CAPN2: variants seen among roughly 807,000 people sequenced by gnomAD.
CAPN2 encodes the protein calpain-2 catalytic subunit.
CAPN2 carries 92 observed loss-of-function variants against 102.3 expected under a neutral mutation model. That is an observed-to-expected ratio of 0.90 (90% CI 0.76 to 1.07). CAPN2 has a LOEUF of 1.07. Among genes scored for constraint, CAPN2 ranks in the 50% least tolerant of loss-of-function variants. CAPN2 has a pLI of 0.00. For missense variants in CAPN2, 800 were observed against 909.4 expected, an observed-to-expected ratio of 0.88 and a Z score of 1.55; for synonymous variants, 340 against 355.4, an observed-to-expected ratio of 0.96 and a Z score of 0.49.
upstream of CAPN2, among the ~76,000 whole-genome samples, chr1:223,711,771 T>G (rs1158172250): frequency 6.6e-6 from 1 of 152,192 alleles, no homozygotes; most frequent in Non-Finnish European, 1.5e-5. Context: ...CCACGACGTA[T>G]TTTTAGTAGA....
intron 3 of CAPN2, among the ~76,000 whole-genome samples, chr1:223,744,484 A>T (rs1660701996): frequency 6.7e-6 from 1 of 148,266 alleles, no homozygotes; most frequent in Non-Finnish European, 1.5e-5. Context: ...TCCCAAGTTT[A>T]AAAAAAAAAA....
intron 1 of CAPN2, among the ~76,000 whole-genome samples, chr1:223,703,878 A>T (rs1215017864): frequency 6.6e-6 from 1 of 152,240 alleles, no homozygotes; most frequent in African/African-American, 2.4e-5. Flanking sequence ...AAGAGGGAAA[A>T]GTATAAAGCA....
At chr1:223,703,810 C>T (rs562932576) in intron 1 of CAPN2, among the ~76,000 whole-genome samples, 1 of 152,188 alleles carries the variant, frequency 6.6e-6, no homozygotes, top group Non-Finnish European at 1.5e-5. Context: ...AAACAGAATT[C>T]TCTGCTACAG....
chr1:223,748,826 T>C (rs1250230373), intron 5 of CAPN2, among the ~76,000 whole-genome samples: 1 of 152,192 alleles, frequency 6.6e-6, no homozygotes, highest in African/African-American at 2.4e-5. Flanking sequence ...GCATTCCGCC[T>C]TTTCTCTGGT....
At chr1:223,721,538 CA>C (rs1660051254) in intron 2 of CAPN2, among the ~76,000 whole-genome samples, 2 of 152,236 alleles carry the variant, frequency 1.3e-5, no homozygotes, top group Admixed American at 6.5e-5. Context: ...GTTGAAACAG[CA>C]CACCCCCATT....
chr1:223,702,926 A>G (rs1659519578), intron 1 of CAPN2, among the ~76,000 whole-genome samples: 1 of 152,196 alleles, frequency 6.6e-6, no homozygotes, highest in African/African-American at 2.4e-5. Flanking sequence ...CAGAGGGAAG[A>G]AAGTAAGGGA....
upstream of CAPN2, among the ~76,000 whole-genome samples, chr1:223,707,734 G>A (rs1458863439): frequency 6.6e-6 from 1 of 152,220 alleles, no homozygotes; most frequent in Non-Finnish European, 1.5e-5. Flanking sequence ...GCCTAGCTGG[G>A]GAAGAGGAAC....
At chr1:223,743,404 C>G (rs1305647116) in intron 2 of CAPN2, among the ~76,000 whole-genome samples, 2 of 152,180 alleles carry the variant, frequency 1.3e-5, no homozygotes, top group African/African-American at 4.8e-5. Context: ...TGGCTCTGAC[C>G]TTCCTCCTAG....
At position 223,737,719 on chromosome 1, in the gene CAPN2, G is replaced by GAGT. The variant is rs1380010653; in HGVS notation, c.308-6381_308-6380insAGT. ...AAAAGAGACGGGGCGGGGGGTGGGG[G>GAGT]GGAGAGAATACAATAACACCATGTA... On this transcript the variant is annotated intron_variant, in intron 2 of 20. Coordinates refer to ENST00000295006, the MANE Select transcript of CAPN2 (RefSeq NM_001748.5). Among the ~76,000 whole-genome samples the GAGT allele has an allele frequency of 6.0e-5, 5 of 83,850 alleles. 1 individual carries two copies. The highest frequency in any genetic ancestry group is 2.0e-4 in the African/African-American group (5 of 24,474). The allele number at this position is 83,850 out of a possible 152,430, so 55.0% of individuals were successfully genotyped here. A position where few individuals can be genotyped will look rare whatever the true frequency, so the allele number is the denominator to read the frequency against.
intron 1 of CAPN2, among the ~76,000 whole-genome samples, chr1:223,717,526 G>A (rs1263475189): frequency 6.6e-6 from 1 of 152,136 alleles, no homozygotes; most frequent in Non-Finnish European, 1.5e-5. Flanking sequence ...AGTCCAGAGT[G>A]TGCAGGGTCC....
intron 14 of CAPN2, 69 bp downstream of exon 14, chr1:223,762,320 A>T: frequency 8.1e-7 from 1 of 1,239,566 alleles, no homozygotes; most frequent in Non-Finnish European, 1.2e-6. Flanking sequence ...TGTGTCCCCA[A>T]GGGGACTTTA....
At chr1:223,752,992 G>C in intron 9 of CAPN2, 36 bp downstream of exon 9, 1 of 1,605,822 alleles carries the variant, frequency 6.2e-7, no homozygotes. Flanking sequence ...GTTGCAATGC[G>C]GGGCCACCAA....
At chr1:223,771,683 A>C in intron 18 of CAPN2, 126 bp from the exon 19 acceptor site, 1 of 707,602 alleles carries the variant, frequency 1.4e-6, no homozygotes, top group Middle Eastern at 2.6e-4. Context: ...CTCACAGAAG[A>C]GCAGCCAAGG....
At chr1:223,738,985 C>A (rs1353358057) in intron 2 of CAPN2, among the ~76,000 whole-genome samples, 1 of 152,122 alleles carries the variant, frequency 6.6e-6, no homozygotes, top group Non-Finnish European at 1.5e-5. Context: ...CGGTGAGATA[C>A]CCATAGAGAT....
At position 223,755,352 on chromosome 1, in the gene CAPN2, C is replaced by T; in HGVS notation, c.1136-128C>T. On this transcript the variant is annotated intron_variant, in intron 9 of 20. Coordinates refer to ENST00000295006, the MANE Select transcript of CAPN2 (RefSeq NM_001748.5). This position sits in a 1 kb window ranked among gnomAD's most constrained non-coding sequence, Gnocchi z 4.1. ...TCCCCCACCACCTCTTACCATCTCC[C>T]ACCACCTCCCACCATCTCCCTTTAT... 1 of 857,468 alleles carries T rather than the reference C, an allele frequency of 1.2e-6. No individual in the cohort carries two copies. 53.1% of individuals were successfully genotyped at this position (857,468 alleles called of 1,614,324 possible).
chr1:223,764,001 G>C, intron 14 of CAPN2, 149 bp from the exon 15 acceptor site: 1 of 671,452 alleles, frequency 1.5e-6, no homozygotes. Context: ...GTGGTCTGGG[G>C]ACAGCAGCCC....
At chr1:223,737,406 G>A (rs1660481888) in intron 2 of CAPN2, among the ~76,000 whole-genome samples, 1 of 152,112 alleles carries the variant, frequency 6.6e-6, no homozygotes, top group Non-Finnish European at 1.5e-5. Flanking sequence ...AATAAACATG[G>A]CCAGCAACAG....
intron 1 of CAPN2, among the ~76,000 whole-genome samples, chr1:223,714,789 A>G (rs182432817): frequency 1.1e-4 from 17 of 152,294 alleles, no homozygotes; most frequent in Non-Finnish European, 1.9e-4. Context: ...CACAATGCAT[A>G]TGGTTTCTGC....
chr1:223,718,892 C>T (rs944216484), intron 2 of CAPN2, among the ~76,000 whole-genome samples: 3 of 152,156 alleles, frequency 2.0e-5, no homozygotes, highest in Admixed American at 6.5e-5. Flanking sequence ...GGCTGGTACC[C>T]CTGACCCCAG....
Sources: gnomAD v4.1 joint callset for allele counts (sites outside exome capture counted in the v4.1 genomes callset) on GRCh38, gnomAD v4.1.1 for gene constraint, Gnocchi (gnomAD v3.1) non-coding constraint, MANE v1.5 for transcripts, NCBI Gene and HGNC (gene_info 2026-07-23, HGNC 2026-07-21) for gene names.